The following LRRK1 variants were observed in gnomAD, a reference collection of about 807,000 sequenced individuals.
The protein encoded by LRRK1 is leucine rich repeat kinase 1, also known as leucine-rich repeat serine/threonine-protein kinase 1.
LRRK1 carries 113 observed loss-of-function variants against 209.1 expected under a neutral mutation model. The observed-to-expected ratio is 0.54, with a 90% CI of 0.46 to 0.63. The LOEUF is 0.63. Among genes scored for constraint, LRRK1 ranks in the 30% least tolerant of loss-of-function variants. LRRK1 has a pLI of 0.00. For missense variants in LRRK1, 2,284 were observed against 2,632.2 expected (o/e 0.87, Z 2.89); for synonymous variants, 1,144 against 1,099.7 (o/e 1.04, Z -0.80).
chr15:101,060,832 G>A (rs543760643), intron 29 of LRRK1, among the ~76,000 whole-genome samples: 6 of 152,344 alleles, frequency 3.9e-5, no homozygotes, highest in African/African-American at 1.4e-4. Context: ...CTTTAGCCCT[G>A]GCTTTGTCTA....
chr15:100,981,103 A>T (rs4605140), intron 3 of LRRK1, among the ~76,000 whole-genome samples: 35,704 of 152,100 alleles, frequency 0.23, 4,505 homozygotes, highest in East Asian at 0.51. Flanking sequence ...AGAGAGGCCT[A>T]CTTCCTGTTT....
At chr15:100,921,529 G>C (rs138900281) in intron 1 of LRRK1, among the ~76,000 whole-genome samples, 54 of 143,352 alleles carry the variant, frequency 3.8e-4, no homozygotes, top group African/African-American at 1.5e-3. Context: ...TGCTTTGCTT[G>C]CAAGGGACTT....
At chr15:100,956,458 T>TTTCTTTTCTTTTC (rs1289894870) in intron 2 of LRRK1, among the ~76,000 whole-genome samples, 2 of 123,948 alleles carry the variant, frequency 1.6e-5, no homozygotes, top group Admixed American at 1.7e-4. Context: ...TTTTTTTCTT[T>TTTCTTTTCTTTTC]TTTTTTTTTT....
chr15:100,944,302 G>A (rs1044440049), intron 2 of LRRK1, among the ~76,000 whole-genome samples: 14 of 152,178 alleles, frequency 9.2e-5, no homozygotes, highest in African/African-American at 2.2e-4. Context: ...CAACCACAGC[G>A]CAGCATTGAT....
At chr15:100,959,255 T>C (rs372176534) in intron 2 of LRRK1, among the ~76,000 whole-genome samples, 2 of 152,134 alleles carry the variant, frequency 1.3e-5, no homozygotes, top group South Asian at 2.1e-4. Flanking sequence ...GTCAACAAAT[T>C]GAAGTGGAGA....
chr15:100,991,645 A>G (rs1349198112), intron 6 of LRRK1, among the ~76,000 whole-genome samples: 3 of 152,204 alleles, frequency 2.0e-5, no homozygotes, highest in Non-Finnish European at 4.4e-5. Flanking sequence ...TGGATATATG[A>G]TCACATATTC....
At chr15:100,994,838 A>T (rs2032326388) in intron 6 of LRRK1, among the ~76,000 whole-genome samples, 1 of 152,142 alleles carries the variant, frequency 6.6e-6, no homozygotes, top group Non-Finnish European at 1.5e-5. Flanking sequence ...TGCTGGCAGA[A>T]GAGAACAGAG....
At chr15:100,989,561 A>C in intron 6 of LRRK1, 163 bp downstream of exon 6, 1 of 680,302 alleles carries the variant, frequency 1.5e-6, no homozygotes, top group Admixed American at 2.8e-5. Context: ...GAGGGCCTTC[A>C]TGCAGTGATA....
In LRRK1 at chr15:101,023,439, A is replaced by G. The variant is rs149947112; in HGVS notation, c.2067+842A>G. Reference sequence around the variant, plus strand: ...TGTTCATGTAACAGAGAAAAGAGCCATGGACTGTTGGTGGGAACTCCATCC... The same window carrying G: ...TGTTCATGTAACAGAGAAAAGAGCCGTGGACTGTTGGTGGGAACTCCATCC... On this transcript the variant is annotated intron_variant, in intron 15 of 33. Coordinates refer to ENST00000388948, the MANE Select transcript of LRRK1 (RefSeq NM_024652.6). Among the ~76,000 whole-genome samples, 776 of 152,348 alleles carry G rather than the reference A, an allele frequency of 5.1e-3. 6 individuals carry two copies. Among genetic ancestry groups the G allele is most frequent in the African/African-American group, 0.016 (679 of 41,580 alleles).
At chr15:101,000,934 G>A (rs28658356) in intron 6 of LRRK1, among the ~76,000 whole-genome samples, 1,846 of 152,222 alleles carry the variant, frequency 0.012, 48 homozygotes, top group African/African-American at 0.04. Flanking sequence ...GGATCCACCT[G>A]CCATGGGCCA....
chr15:100,955,308 T>A (rs1364898433), intron 2 of LRRK1, among the ~76,000 whole-genome samples: 3 of 152,180 alleles, frequency 2.0e-5, no homozygotes, highest in Non-Finnish European at 2.9e-5. Flanking sequence ...AAGCTTATTG[T>A]TGGTGTATAG....
intron 2 of LRRK1, among the ~76,000 whole-genome samples, chr15:100,971,479 G>T (rs920071627): frequency 1.3e-5 from 2 of 152,218 alleles, no homozygotes; most frequent in Non-Finnish European, 2.9e-5. Flanking sequence ...TTCTGTCCCA[G>T]TTTGCCTCTA....
chr15:101,050,122 G>T (rs973997979), intron 23 of LRRK1, among the ~76,000 whole-genome samples: 3 of 152,214 alleles, frequency 2.0e-5, no homozygotes, highest in African/African-American at 7.2e-5. Context: ...TGTTTTCATA[G>T]TGAGGACTGT....
rs372720195 is a variant in LRRK1, at chr15:101,029,245, C to T, written c.2963+13C>T. 4.6e-5 allele frequency: 74 copies of T among 1,600,442 alleles called. No individual in the cohort carries two copies. Among genetic ancestry groups the T allele is most frequent in the Non-Finnish European group, 6.2e-5 (73 of 1,171,130 alleles). On this transcript the variant is annotated intron_variant, in intron 20 of 33. Transcript: ENST00000388948. ...TCGCCAATGACAGGTGAGGACACAA[C>T]TTAACACGCCAGGCTGTGCAGGTTG...
At chr15:100,937,811 C>G (rs1427966560) in intron 2 of LRRK1, among the ~76,000 whole-genome samples, 1 of 151,512 alleles carries the variant, frequency 6.6e-6, no homozygotes, top group South Asian at 2.1e-4. Flanking sequence ...CTGGGATTAC[C>G]GGCGTGAGCC....
intron 2 of LRRK1, among the ~76,000 whole-genome samples, chr15:100,941,240 GTGTC>G (rs1240326869): frequency 3.7e-4 from 55 of 150,608 alleles, no homozygotes; most frequent in East Asian, 1.2e-3. Context: ...GTGTCTGTGT[GTGTC>G]TGTCTGTGTG....
intron 2 of LRRK1, among the ~76,000 whole-genome samples, chr15:100,959,877 A>C (rs1355784586): frequency 6.6e-6 from 1 of 151,942 alleles, no homozygotes; most frequent in African/African-American, 2.4e-5. Flanking sequence ...GGGTTTTCAC[A>C]CAGTTCTCAG....
Position 101,026,319 on chromosome 15 carries a change from C to A in LRRK1, c.2405+182C>A, listed in dbSNP as rs551756265. Among the ~76,000 whole-genome samples, 9 of 152,390 alleles carry A rather than the reference C, an allele frequency of 5.9e-5. No homozygotes were observed. In the East Asian group the frequency reaches 1.7e-3, roughly 29 times the overall value. The stretch of plus-strand genomic sequence containing the variant: ...GGGTGAAGACCTACCAGACGGCTGG[C>A]TGGTTGAGGCCTGGAGGTGCCCCTC... On this transcript the variant is annotated intron_variant, in intron 17 of 33. Transcript: ENST00000388948.
At chr15:101,046,276 C>T in intron 21 of LRRK1, 124 bp downstream of exon 21, 1 of 1,094,766 alleles carries the variant, frequency 9.1e-7, no homozygotes, top group Non-Finnish European at 1.3e-6. Context: ...AGAGCCATGC[C>T]ACCAATGTAG....
Sources: gnomAD v4.1 joint callset for allele counts (sites outside exome capture counted in the v4.1 genomes callset) on GRCh38, gnomAD v4.1.1 for gene constraint, MANE v1.5 for transcripts, NCBI Gene and HGNC (gene_info 2026-07-23, HGNC 2026-07-21) for gene names.